The following IQSEC1 variants were observed in gnomAD, a reference collection of about 807,000 sequenced individuals.
IQSEC1 encodes the protein IQ motif and Sec7 domain ArfGEF 1.
Under a neutral mutation model 91.0 loss-of-function variants are expected in IQSEC1, and 31 were observed. The observed-to-expected ratio is 0.34, with a 90% CI of 0.26 to 0.46. The LOEUF (loss-of-function observed/expected upper bound fraction) is 0.46. Ranked by LOEUF, IQSEC1 falls within the 20% of genes least tolerant of loss-of-function variation. The pLI is 1.00. For synonymous variants in IQSEC1, 699 were observed against 662.6 expected, an observed-to-expected ratio of 1.05 and a Z score of -0.84; for missense variants, 1,388 against 1,575.6, an observed-to-expected ratio of 0.88 and a Z score of 2.02.
At chr3:12,981,471 G>A (rs1410256670) in intron 1 of IQSEC1, among the ~76,000 whole-genome samples, 1 of 152,072 alleles carries the variant, frequency 6.6e-6, no homozygotes, top group African/African-American at 2.4e-5. Flanking sequence ...GGGAGAACCG[G>A]CTGCTGGGGG....
chr3:13,075,082 T>C (rs1423393202), upstream of IQSEC1, among the ~76,000 whole-genome samples: 3 of 152,188 alleles, frequency 2.0e-5, no homozygotes, highest in East Asian at 1.9e-4. Flanking sequence ...AATCTTCCTG[T>C]AGCACGGACC....
chr3:13,160,678 C>T (rs1707158469), intron 2 of IQSEC1, among the ~76,000 whole-genome samples: 2 of 152,190 alleles, frequency 1.3e-5, no homozygotes, highest in Admixed American at 6.5e-5. Context: ...TGGTTTCTGG[C>T]CTGAAAATAT....
At chr3:13,067,740 G>A (rs1461263256) in intron 1 of IQSEC1, among the ~76,000 whole-genome samples, 1 of 152,260 alleles carries the variant, frequency 6.6e-6, no homozygotes, top group Non-Finnish European at 1.5e-5. Context: ...AGACTCACTG[G>A]CTGTGACCCT....
chr3:13,035,965 C>G (rs1038603550), intron 1 of IQSEC1, among the ~76,000 whole-genome samples: 1 of 152,186 alleles, frequency 6.6e-6, no homozygotes, highest in Non-Finnish European at 1.5e-5. Context: ...TGGCTAAGGT[C>G]TCAGCTGTCA....
Position 13,259,476 on chromosome 3 carries a change from G to A in IQSEC1, c.272+23235C>T, listed in dbSNP as rs554177417. Among the ~76,000 whole-genome samples, 9 of 152,164 alleles carry A rather than the reference G, an allele frequency of 5.9e-5. No individual in the cohort carries two copies. In the East Asian group the frequency reaches 1.2e-3, roughly 20 times the overall value. On this transcript the variant is annotated intron_variant, in intron 1 of 15. Transcript: ENST00000648114. The surrounding 1 kb of genome is among the most constrained non-coding windows in gnomAD (Gnocchi z 4.6). ...CGGGTGAGATAGCACTGTCATCGCC[G>A]GCCACGTCCTCATTTCCAGAAGCCC...
intron 1 of IQSEC1, among the ~76,000 whole-genome samples, chr3:13,206,886 C>T (rs1041534413): frequency 1.3e-5 from 2 of 152,070 alleles, no homozygotes; most frequent in Non-Finnish European, 2.9e-5. Context: ...GGCTGCATTC[C>T]GTGTACCTGA....
intron 1 of IQSEC1, among the ~76,000 whole-genome samples, chr3:12,949,528 C>T (rs1328837382): frequency 1.3e-5 from 2 of 152,266 alleles, no homozygotes; most frequent in African/African-American, 4.8e-5. Flanking sequence ...TTCCCCTATA[C>T]TCTGCTTTCA....
At chr3:12,952,709 G>A (rs1297643742) in intron 1 of IQSEC1, among the ~76,000 whole-genome samples, 1 of 152,138 alleles carries the variant, frequency 6.6e-6, no homozygotes, top group Non-Finnish European at 1.5e-5. Flanking sequence ...GCTCTGGCAC[G>A]CTCTCACCCC....
At chr3:13,076,060 T>C (rs566583677), upstream of IQSEC1, among the ~76,000 whole-genome samples, 1 of 152,326 alleles carries the variant, frequency 6.6e-6, no homozygotes, top group Non-Finnish European at 1.5e-5. Context: ...GAAGTGGAGC[T>C]ACAGAACTCT....
chr3:13,143,243 T>C (rs562848375), intron 2 of IQSEC1, among the ~76,000 whole-genome samples: 131 of 152,290 alleles, frequency 8.6e-4, no homozygotes, highest in African/African-American at 3.0e-3. Flanking sequence ...GAGTAACTGA[T>C]GGCACCAGGA....
chr3:13,135,354 G>C (rs1706689747), intron 2 of IQSEC1, among the ~76,000 whole-genome samples: 1 of 152,246 alleles, frequency 6.6e-6, no homozygotes, highest in South Asian at 2.1e-4. Flanking sequence ...TGGAGCCTGG[G>C]AGCTAGATGG....
At chr3:12,984,056 G>A (rs773858066) in intron 1 of IQSEC1, among the ~76,000 whole-genome samples, 95 of 152,290 alleles carry the variant, frequency 6.2e-4, no homozygotes, top group Non-Finnish European at 1.2e-3. Context: ...CTGGAACTGA[G>A]ATAGGGACCC....
chr3:13,195,237 G>A (rs1694104979), intron 1 of IQSEC1, among the ~76,000 whole-genome samples: 3 of 152,108 alleles, frequency 2.0e-5, no homozygotes, highest in African/African-American at 7.2e-5. Context: ...CAGATGAAAC[G>A]GTTCAATGAT....
intron 1 of IQSEC1, among the ~76,000 whole-genome samples, chr3:13,070,694 G>C (rs1705384243): frequency 1.3e-5 from 2 of 152,242 alleles, no homozygotes; most frequent in South Asian, 4.1e-4. Flanking sequence ...GGTGCCAATA[G>C]GTTTGGTGGC....
chr3:13,092,037 A>G (rs1252512800), intron 2 of IQSEC1, among the ~76,000 whole-genome samples: 3 of 152,148 alleles, frequency 2.0e-5, no homozygotes, highest in Non-Finnish European at 4.4e-5. Flanking sequence ...GGTCGAGGCC[A>G]GGAGGAAGCT....
intron 1 of IQSEC1, among the ~76,000 whole-genome samples, chr3:13,035,473 C>T (rs1703999351): frequency 6.6e-6 from 1 of 152,142 alleles, no homozygotes; most frequent in African/African-American, 2.4e-5. Context: ...AATGATTGCC[C>T]CCTCTCTTGA....
At chr3:12,932,600 C>T (rs762966375) in intron 3 of IQSEC1, among the ~76,000 whole-genome samples, 1 of 152,196 alleles carries the variant, frequency 6.6e-6, no homozygotes, top group Non-Finnish European at 1.5e-5. Context: ...AAAGCCCAGC[C>T]CTGGAAGCTC....
Position 13,211,667 on chromosome 3 carries a change from C to T in IQSEC1, c.273-47534G>A, listed in dbSNP as rs1409773909. On this transcript the variant is annotated intron_variant, in intron 1 of 15. Coordinates refer to the IQSEC1 transcript ENST00000648114. This position sits in a 1 kb window ranked among gnomAD's most constrained non-coding sequence, Gnocchi z 5.3. ...TCCCTGAAGGCCAGGCCAGGACCCA[C>T]GAACTGGCACCACCCCAGCCCTGCT... Among the ~76,000 whole-genome samples the T allele has an allele frequency of 6.6e-6, 1 of 152,224 alleles. No homozygotes were observed. Among genetic ancestry groups the T allele is most frequent in the East Asian group, 1.9e-4 (1 of 5,192 alleles).
At chr3:12,941,522 G>A in intron 2 of IQSEC1, 49 bp downstream of exon 2, 1 of 1,478,848 alleles carries the variant, frequency 6.8e-7, no homozygotes, top group East Asian at 2.4e-5. Context: ...ATGGTGGGCA[G>A]AGCTGCCCTG....
Sources: allele counts gnomAD v4.1 joint callset (sites outside exome capture counted in the v4.1 genomes callset), GRCh38; gene constraint gnomAD v4.1.1; non-coding constraint Gnocchi (gnomAD v3.1); transcripts MANE v1.5; gene names NCBI Gene and HGNC (gene_info 2026-07-23, HGNC 2026-07-21).